SBF2: variants seen among roughly 807,000 people sequenced by gnomAD.
SBF2 encodes SET binding factor 2.
In SBF2, 112 loss-of-function variants were observed where a neutral mutation model predicts 225.2. That is an observed-to-expected ratio of 0.50 (90% confidence interval 0.43 to 0.58). The LOEUF (loss-of-function observed/expected upper bound fraction) is 0.58, where lower values mean the gene tolerates loss of function less well. Among genes scored for constraint, SBF2 ranks in the 20% least tolerant of loss-of-function variants. SBF2 has a pLI of 0.00. For missense variants in SBF2, 1,996 were observed against 2,206.2 expected (o/e 0.90, Z 1.91); for synonymous variants, 763 against 773.3 (o/e 0.99, Z 0.22).
intron 1 of SBF2, among the ~76,000 whole-genome samples, chr11:10,288,455 A>G (rs894414678): frequency 1.3e-5 from 2 of 152,082 alleles, no homozygotes; most frequent in African/African-American, 4.8e-5. Flanking sequence ...AGGTCACCCC[A>G]GCAAGTATTT....
intron 2 of SBF2, among the ~76,000 whole-genome samples, chr11:10,060,917 A>G (rs751876980): frequency 2.0e-5 from 3 of 151,988 alleles, no homozygotes; most frequent in Non-Finnish European, 2.9e-5. Context: ...AGTCCCAGCT[A>G]CTCCGGAGGC....
intron 23 of SBF2, among the ~76,000 whole-genome samples, chr11:9,846,064 C>T (rs775145946): frequency 6.6e-5 from 10 of 152,108 alleles, no homozygotes; most frequent in Non-Finnish European, 1.0e-4. Flanking sequence ...GAGAATTTGG[C>T]CTAATAAGGT....
rs1964620610 is a variant in SBF2, at chr11:10,303,669, AAG to A, written n.386+821_386+822del. On this transcript the variant is annotated intron_variant and non_coding_transcript_variant, in intron 1 of 5. Transcript: ENST00000685217. The surrounding 1 kb of genome is among the most constrained non-coding windows in gnomAD (Gnocchi z 5.2). The stretch of plus-strand genomic sequence containing the variant: ...CGAATTGCCGGGAGGTGAGGACTAG[AAG>A]CCTGTTTGGCTAGTGGTCTCGCACC... 6.6e-6 allele frequency: 1 copy of A among 152,256 alleles called. No homozygotes were observed. Among genetic ancestry groups the A allele is most frequent in the Non-Finnish European group, 1.5e-5 (1 of 68,106 alleles). The allele number at this position is 152,256 out of a possible 1,614,324, so 9.4% of individuals were successfully genotyped here.
At chr11:10,129,999 G>A (rs1016507738) in intron 2 of SBF2, among the ~76,000 whole-genome samples, 1 of 151,950 alleles carries the variant, frequency 6.6e-6, no homozygotes, top group Non-Finnish European at 1.5e-5. Context: ...GAAAGAAGGA[G>A]ACCCCAATCT....
rs1229264860 is a variant in SBF2, at chr11:9,784,370, A to C, written c.5300T>G (p.Leu1767Trp). The C allele has an allele frequency of 1.2e-6, 2 of 1,613,884 alleles. No individual in the cohort carries two copies. Among genetic ancestry groups the C allele is most frequent in the Non-Finnish European group, 1.7e-6 (2 of 1,179,834 alleles). Reference protein sequence around the residue: ...LKGWKPRWFVLDVTKHQLRYY... With the variant: ...LKGWKPRWFVWDVTKHQLRYY... ...TATTACCTGATGTTTTGTTACATCC[A>C]AAACAAACCAACGGGGCTTCCAACC... The change falls in exon 38 of 40, where the codon TTG becomes TGG. Residue 1767 changes from leucine (L) to tryptophan (W), a missense_variant. Transcript: ENST00000256190.
In SBF2 at chr11:10,161,429, T is replaced by C. The variant is rs1053996535; in HGVS notation, c.141+32473A>G. On this transcript the variant is annotated intron_variant, in intron 2 of 39. Coordinates refer to ENST00000256190, the MANE Select transcript of SBF2 (RefSeq NM_030962.4). The stretch of plus-strand genomic sequence containing the variant: ...GAATGACAAGAGAAACCAATTTTAA[T>C]TTCCTAACCACAAATGATTAGCACA... Among the ~76,000 whole-genome samples the C allele has an allele frequency of 5.9e-5, 9 of 152,282 alleles. No homozygotes were observed. In the East Asian group the frequency reaches 1.7e-3, roughly 29 times the overall value.
chr11:9,902,805 A>T (rs1861821193), intron 16 of SBF2, among the ~76,000 whole-genome samples: 1 of 152,238 alleles, frequency 6.6e-6, no homozygotes, highest in African/African-American at 2.4e-5. Context: ...ATGGTAGCAT[A>T]GACTTTCTAA....
chr11:9,919,031 T>C (rs1394083069), intron 16 of SBF2, among the ~76,000 whole-genome samples: 1 of 152,114 alleles, frequency 6.6e-6, no homozygotes, highest in Non-Finnish European at 1.5e-5. Context: ...TGTGAGCCAC[T>C]GCATCTGGCT....
At chr11:10,132,520 G>C (rs1954109551) in intron 2 of SBF2, among the ~76,000 whole-genome samples, 1 of 148,214 alleles carries the variant, frequency 6.7e-6, no homozygotes, top group Non-Finnish European at 1.5e-5. Context: ...TTCGCGGTGA[G>C]TGTTACAGCT....
rs193101082 is a variant in SBF2 at position 9,950,149 on chromosome 11, A to T, written c.1860+11808T>A. On this transcript the variant is annotated intron_variant, in intron 16 of 39. Coordinates refer to ENST00000256190, the MANE Select transcript of SBF2 (RefSeq NM_030962.4). ...GGAATGCTTCTCGTAAGCAGGGATT[A>T]AAAAAAAAAAAGTGTCCTGAGATCA... Among the ~76,000 whole-genome samples the T allele has an allele frequency of 6.0e-3, 692 of 114,994 alleles. 2 individuals carry two copies. The highest frequency in any genetic ancestry group is 0.019 in the African/African-American group (655 of 34,588). 75.4% of individuals were successfully genotyped at this position (114,994 alleles called of 152,430 possible). A position where few individuals can be genotyped will look rare whatever the true frequency, so the allele number is the denominator to read the frequency against.
intron 1 of SBF2, among the ~76,000 whole-genome samples, chr11:10,206,981 CA>C (rs1957772911): frequency 6.6e-6 from 1 of 152,046 alleles, no homozygotes; most frequent in Non-Finnish European, 1.5e-5. Context: ...AAGCACCAAA[CA>C]TATTCAAGAA....
At chr11:10,295,080 T>C (rs568831248), upstream of SBF2, among the ~76,000 whole-genome samples, 4 of 152,372 alleles carry the variant, frequency 2.6e-5, no homozygotes, top group Non-Finnish European at 5.9e-5. Flanking sequence ...TGAACTCACT[T>C]TGTCATTTGT....
chr11:10,082,312 G>A (rs1951398850), intron 2 of SBF2, among the ~76,000 whole-genome samples: 1 of 152,106 alleles, frequency 6.6e-6, no homozygotes, highest in South Asian at 2.1e-4. Context: ...AAGAATAGCT[G>A]GTACCAGTCC....
chr11:9,804,076 C>A (rs953620356), intron 32 of SBF2, among the ~76,000 whole-genome samples: 1 of 152,018 alleles, frequency 6.6e-6, no homozygotes, highest in Non-Finnish European at 1.5e-5. Flanking sequence ...CCTTTCCCAC[C>A]CCATGTAGTC....
At chr11:10,212,729 C>T (rs1454191464) in intron 1 of SBF2, among the ~76,000 whole-genome samples, 2 of 152,178 alleles carry the variant, frequency 1.3e-5, no homozygotes, top group Non-Finnish European at 2.9e-5. Context: ...CTATATTAAG[C>T]ATGCCTATCT....
At chr11:10,287,269 C>T (rs1432065867) in intron 1 of SBF2, among the ~76,000 whole-genome samples, 1 of 152,096 alleles carries the variant, frequency 6.6e-6, no homozygotes, top group Non-Finnish European at 1.5e-5. Context: ...TGAAAATGTT[C>T]CCTATCTATC....
Position 9,845,668 on chromosome 11 carries a change from A to G in SBF2, c.3007T>C (p.Phe1003Leu), listed in dbSNP as rs1454730909. 1 of 1,613,828 alleles carries G rather than the reference A, an allele frequency of 6.2e-7. No individual in the cohort carries two copies. The highest frequency in any genetic ancestry group is 1.7e-5 in the Admixed American group (1 of 60,016). ...VEIFKKQLMK[F>L]RYPQSIFSTF... is the part of the protein sequence containing the mutation. ...CTGAAAATGGACTGAGGATAACGGA[A>G]CTTCATCAGCTGTTTCTTAAAGATC... Residue 1003 changes from phenylalanine (F) to leucine (L), a missense_variant, in exon 24 of 40, where the codon TTC becomes CTC. Coordinates refer to ENST00000256190, the MANE Select transcript of SBF2 (RefSeq NM_030962.4).
intron 17 of SBF2, among the ~76,000 whole-genome samples, chr11:9,885,125 C>T (rs1860155580): frequency 6.6e-6 from 1 of 151,618 alleles, no homozygotes; most frequent in African/African-American, 2.4e-5. Flanking sequence ...GTGGTAGGCG[C>T]CTATAATCCC....
At chr11:9,973,670 C>T (rs1002033480) in intron 13 of SBF2, among the ~76,000 whole-genome samples, 1 of 152,094 alleles carries the variant, frequency 6.6e-6, no homozygotes, top group African/African-American at 2.4e-5. Context: ...CTCCCCCCTG[C>T]AGCACGCCCA....
Sources: gnomAD v4.1 joint callset for allele counts (sites outside exome capture counted in the v4.1 genomes callset) on GRCh38, gnomAD v4.1.1 for gene constraint, Gnocchi (gnomAD v3.1) non-coding constraint, MANE v1.5 for transcripts, NCBI Gene and HGNC (gene_info 2026-07-23, HGNC 2026-07-21) for gene names.